The following ECSIT variants were observed in gnomAD, a reference collection of about 807,000 sequenced individuals.
The protein encoded by ECSIT is ECSIT signaling integrator, also known as evolutionarily conserved signaling intermediate in Toll pathway, mitochondrial.
Under a neutral mutation model 36.8 loss-of-function variants are expected in ECSIT, and 29 were observed. The ratio of observed to expected loss-of-function variants is 0.79; its 90% CI spans 0.59 to 1.08. The LOEUF is 1.08. ECSIT is among the 50% of genes least tolerant of loss of function. The probability of loss-of-function intolerance (pLI) is 0.00; values close to 1 mark genes in which losing one functional copy is unlikely to be tolerated. For synonymous variants in ECSIT, 231 were observed against 234.8 expected, an observed-to-expected ratio of 0.98 and a Z score of 0.15; for missense variants, 542 against 581.0, an observed-to-expected ratio of 0.93 and a Z score of 0.69.
chr19:11,528,241 C>T (rs1280605618), intron 1 of ECSIT, among the ~76,000 whole-genome samples: 3 of 152,134 alleles, frequency 2.0e-5, no homozygotes, highest in African/African-American at 7.2e-5. Context: ...ATTCTAAAAG[C>T]CCTCATCACC....
chr19:11,518,804 C>T (rs989136642), intron 2 of ECSIT, among the ~76,000 whole-genome samples: 4 of 151,882 alleles, frequency 2.6e-5, no homozygotes, highest in African/African-American at 9.7e-5. Context: ...GAGGATGAGG[C>T]GGGAGGATTG....
Position 11,508,006 on chromosome 19 carries a change from G to GT in ECSIT, c.780_781insA (p.Gln261ThrfsTer28). Reference sequence around the variant, plus strand: ...TCGGACTTACCTACGATGTGGGGCTGGGGGGGATCTGCTGCACCTGTTGAG... The same window carrying GT: ...TCGGACTTACCTACGATGTGGGGCTGTGGGGGGATCTGCTGCACCTGTTGAG... On this transcript the variant is annotated frameshift_variant, in exon 5 of 8. Transcript: ENST00000270517. LOFTEE classifies it high-confidence loss of function. The GT allele has an allele frequency of 6.2e-7, 1 of 1,613,970 alleles. No homozygotes were observed. The highest frequency in any genetic ancestry group is 8.5e-7 in the Non-Finnish European group (1 of 1,179,882).
intron 1 of ECSIT, among the ~76,000 whole-genome samples, chr19:11,520,892 G>T (rs1972089667): frequency 6.6e-6 from 1 of 150,896 alleles, no homozygotes. Context: ...TGCAACCTCT[G>T]CCTCCCGGGT....
intron 2 of ECSIT, among the ~76,000 whole-genome samples, chr19:11,517,550 C>T (rs1416384776): frequency 6.6e-6 from 1 of 151,970 alleles, no homozygotes; most frequent in Non-Finnish European, 1.5e-5. Context: ...GAGCTGAGAT[C>T]ACGCCACTGC....
At chr19:11,515,591 G>C (rs1374208961) in intron 2 of ECSIT, among the ~76,000 whole-genome samples, 1 of 152,014 alleles carries the variant, frequency 6.6e-6, no homozygotes, top group Non-Finnish European at 1.5e-5. Flanking sequence ...CAAGTAGCTA[G>C]GATTACAGGC....
intron 1 of ECSIT, among the ~76,000 whole-genome samples, chr19:11,520,936 G>A (rs1171505990): frequency 6.6e-6 from 1 of 151,882 alleles, no homozygotes; most frequent in African/African-American, 2.4e-5. Context: ...CTCCCAAGTA[G>A]CTGGGATTAC....
rs148594999 is a variant in ECSIT, at chr19:11,507,703, C to A, written c.944G>T (p.Arg315Met). Residue 315 changes from arginine to methionine, a missense_variant and splice_region_variant, in exon 6 of 8, where the codon AGG (arginine) becomes ATG (methionine). Coordinates refer to ENST00000270517, the MANE Select transcript of ECSIT (RefSeq NM_016581.5). Reference protein sequence around the residue: ...LRADLLPPEEREVEETPEEWN... With the variant: ...LRADLLPPEEMEVEETPEEWN... Reference sequence around the variant, plus strand: ...ACATGCTTTGCTTTAAGCCCTCACCCTCTCCTCCGGGGGCAGCAAGTCAGC... The same window carrying A: ...ACATGCTTTGCTTTAAGCCCTCACCATCTCCTCCGGGGGCAGCAAGTCAGC... 29 of 1,614,010 alleles carry A rather than the reference C, an allele frequency of 1.8e-5. No homozygotes were observed. The highest frequency in any genetic ancestry group is 1.7e-5 in the Admixed American group (1 of 60,000).
rs1407358522 is a variant in ECSIT, at chr19:11,506,119, G to A, written c.*65C>T. On this transcript the variant is annotated 3_prime_UTR_variant, in exon 8 of 8. Transcript: ENST00000270517. ...ACATTGATTTGCTGTACACTCAAAG[G>A]GCATCTCATGCCTTCAGTCCACCGC... 1.3e-6 allele frequency: 2 copies of A among 1,583,572 alleles called. No homozygotes were observed. The highest frequency in any genetic ancestry group is 1.7e-6 in the Non-Finnish European group (2 of 1,170,758).
intron 4 of ECSIT, among the ~76,000 whole-genome samples, chr19:11,509,992 C>T (rs1043152378): frequency 3.1e-4 from 47 of 151,742 alleles, no homozygotes; most frequent in Admixed American, 2.7e-3. Context: ...GCCTCACCCT[C>T]GCAAGTAGCT....
chr19:11,522,545 C>A, intron 1 of ECSIT: 2 of 727,264 alleles, frequency 2.8e-6, no homozygotes, highest in Non-Finnish European at 4.6e-6. Context: ...TCAGGAACGC[C>A]CCGGTAAAAA....
chr19:11,526,207 C>T (rs928930282), intron 1 of ECSIT, among the ~76,000 whole-genome samples: 47 of 152,262 alleles, frequency 3.1e-4, no homozygotes, highest in African/African-American at 1.1e-3. Context: ...TTGTGATCCA[C>T]CTGCCTTGGC....
At chr19:11,518,328 G>A (rs560574305) in intron 2 of ECSIT, among the ~76,000 whole-genome samples, 3 of 152,226 alleles carry the variant, frequency 2.0e-5, no homozygotes, top group African/African-American at 7.2e-5. Context: ...TCGGCAGGCT[G>A]AGGCAGGAGA....
chr19:11,508,241 T>G (rs1029903890), intron 4 of ECSIT, among the ~76,000 whole-genome samples, 193 bp from the exon 5 acceptor site: 2 of 152,142 alleles, frequency 1.3e-5, no homozygotes, highest in Non-Finnish European at 2.9e-5. Context: ...ATGCTCACCC[T>G]GAGGGAACTA....
chr19:11,526,827 C>A (rs951198835), intron 1 of ECSIT, among the ~76,000 whole-genome samples: 8 of 150,478 alleles, frequency 5.3e-5, no homozygotes, highest in Non-Finnish European at 8.8e-5. Flanking sequence ...CAAGTTGGTT[C>A]TCATGCCTCA....
At chr19:11,508,638 C>T (rs148607463) in intron 4 of ECSIT, among the ~76,000 whole-genome samples, 33 of 152,002 alleles carry the variant, frequency 2.2e-4, no homozygotes, top group African/African-American at 6.8e-4. Context: ...CTATAGCCTC[C>T]GCCTCCTGGG....
At position 11,513,152 on chromosome 19, in the gene ECSIT, T is replaced by C. The variant is rs1480234902; in HGVS notation, c.642A>G (p.Pro214=). The C allele has an allele frequency of 6.2e-7, 1 of 1,614,006 alleles. No homozygotes were observed. Among genetic ancestry groups the C allele is most frequent in the Non-Finnish European group, 8.5e-7 (1 of 1,180,020 alleles). ...FPRFMNVNPF[P]VPRDLPQDPV... ...GGTCCTGGGGCAGGTCCCGGGGCAC[T>C]GGGAAGGGGTTGACGTTCATGAATC... Residue 214 remains proline, a synonymous_variant, in exon 4 of 8, where the codon CCA becomes CCG. Transcript: ENST00000270517.
intron 1 of ECSIT, chr19:11,522,367 G>T: frequency 1.2e-6 from 1 of 841,414 alleles, no homozygotes. Context: ...GGAGATAGCA[G>T]CCAGCAAGTC....
intron 2 of ECSIT, among the ~76,000 whole-genome samples, chr19:11,516,706 C>A (rs903990802): frequency 1.3e-5 from 2 of 148,618 alleles, no homozygotes; most frequent in East Asian, 1.9e-4. Flanking sequence ...CACACACACA[C>A]AAAACGCTAA....
rs186537412 is a variant in ECSIT at position 11,522,453 on chromosome 19, G to C, written c.-23-3260C>G. On this transcript the variant is annotated intron_variant, in intron 1 of 7. Transcript: ENST00000270517. ...TGCCCCACCAGGTCCTGCGCCATCA[G>C]CACAAGCCACGCTTCACCACCAAAA... The C allele has an allele frequency of 9.8e-5, 143 of 1,459,204 alleles. No individual in the cohort carries two copies. In the African/African-American group the frequency reaches 1.9e-3, roughly 20 times the overall value. 90.4% of individuals were successfully genotyped at this position (1,459,204 alleles called of 1,614,324 possible).
Sources: gnomAD v4.1 joint callset for allele counts (sites outside exome capture counted in the v4.1 genomes callset) on GRCh38, gnomAD v4.1.1 for gene constraint, MANE v1.5 for transcripts, NCBI Gene and HGNC (gene_info 2026-07-23, HGNC 2026-07-21) for gene names.